The following WAPL variants were observed in gnomAD, a reference collection of about 807,000 sequenced individuals.
The protein encoded by WAPL is WAPL cohesin release factor.
WAPL carries 5 observed loss-of-function variants against 121.0 expected under a neutral mutation model. That is an observed-to-expected ratio of 0.04 (90% CI 0.02 to 0.09). The LOEUF is 0.09. Among genes scored for constraint, WAPL ranks in the 10% least tolerant of loss-of-function variants. The probability of loss-of-function intolerance (pLI) is 1.00; values close to 1 mark genes in which losing one functional copy is unlikely to be tolerated. For missense variants in WAPL, 999 were observed against 1,410.8 expected, an observed-to-expected ratio of 0.71 and a Z score of 4.68; for synonymous variants, 480 against 481.5, an observed-to-expected ratio of 1.00 and a Z score of 0.04.
intron 9 of WAPL, among the ~76,000 whole-genome samples, chr10:86,464,137 G>A (rs1293689412): frequency 3.3e-5 from 5 of 152,130 alleles, no homozygotes; most frequent in East Asian, 1.9e-4. Context: ...TAACAAAAAC[G>A]TGTAAAGGAT....
intron 12 of WAPL, among the ~76,000 whole-genome samples, chr10:86,456,048 A>G (rs1841138164): frequency 6.6e-6 from 1 of 152,210 alleles, no homozygotes; most frequent in African/African-American, 2.4e-5. Flanking sequence ...GCAACTTGAG[A>G]GAGGAATCAA....
At chr10:86,444,892 CA>C (rs35307250) in intron 16 of WAPL, among the ~76,000 whole-genome samples, 255 of 68,196 alleles carry the variant, frequency 3.7e-3, no homozygotes, top group Middle Eastern at 0.015. Context: ...GTTATTACGC[CA>C]AAAAAAAAAA....
intron 1 of WAPL, among the ~76,000 whole-genome samples, chr10:86,519,790 A>G (rs1253779577): frequency 3.3e-5 from 5 of 152,250 alleles, no homozygotes; most frequent in African/African-American, 7.2e-5. Context: ...ACACACCAAC[A>G]AAGATGGAAT....
chr10:86,451,313 G>GA (rs907912443), intron 15 of WAPL, among the ~76,000 whole-genome samples: 7 of 150,700 alleles, frequency 4.6e-5, no homozygotes, highest in Non-Finnish European at 7.4e-5. Context: ...TATAACAGTC[G>GA]AAAAAAAATC....
chr10:86,467,310 T>G lies in WAPL; in HGVS notation c.2339A>C (p.His780Pro). The change falls in exon 9 of 19, where the codon CAC becomes CCC. Residue 780 changes from histidine to proline, a missense_variant. Physicochemically the swap from His to Pro is moderately conservative, Grantham distance 77. This residue lies in a region of WAPL where 118 missense variants were observed against 318.3 expected (regional missense o/e 0.37). Coordinates refer to ENST00000298767, the MANE Select transcript of WAPL (RefSeq NM_015045.5). ...EKIRRLCETV[H>P]NKHLDLENIT... ...ATTTTCTAGATCAAGATGCTTGTTGTGTACAGTTTCACAGAGCCTTCGGAT... is the reference window on the plus strand; with the variant it reads ...ATTTTCTAGATCAAGATGCTTGTTGGGTACAGTTTCACAGAGCCTTCGGAT... 6.2e-7 allele frequency: 1 copy of G among 1,614,108 alleles called. No individual in the cohort carries two copies. Among genetic ancestry groups the G allele is most frequent in the Non-Finnish European group, 8.5e-7 (1 of 1,180,014 alleles).
chr10:86,504,105 C>T (rs1050115479), intron 2 of WAPL, among the ~76,000 whole-genome samples: 1 of 152,064 alleles, frequency 6.6e-6, no homozygotes, highest in Non-Finnish European at 1.5e-5. Flanking sequence ...ACCCAGGAGG[C>T]AGAGGTTGTA....
chr10:86,464,533 C>T (rs1328378302), intron 9 of WAPL, among the ~76,000 whole-genome samples: 17 of 152,060 alleles, frequency 1.1e-4, no homozygotes, highest in Admixed American at 1.0e-3. Flanking sequence ...TGCAAAAATA[C>T]AGAAGTAAAT....
intron 1 of WAPL, among the ~76,000 whole-genome samples, chr10:86,519,671 A>C (rs1246256713): frequency 6.6e-6 from 1 of 152,244 alleles, no homozygotes; most frequent in Non-Finnish European, 1.5e-5. Context: ...CAGCCTAAAC[A>C]AAACAGGATA....
At chr10:86,443,448 C>G in intron 16 of WAPL, 85 bp from the exon 17 acceptor site, 1 of 1,169,338 alleles carries the variant, frequency 8.6e-7, no homozygotes, top group Non-Finnish European at 1.3e-6. Context: ...GTTATCTTTA[C>G]TTTAAAACTG....
intron 8 of WAPL, among the ~76,000 whole-genome samples, chr10:86,467,886 G>C (rs770732366): frequency 6.6e-6 from 1 of 151,576 alleles, no homozygotes; most frequent in African/African-American, 2.4e-5. Context: ...CACGGTGTTA[G>C]CCAGGATGGT....
intron 4 of WAPL, among the ~76,000 whole-genome samples, chr10:86,490,346 C>T (rs903882274): frequency 3.9e-5 from 6 of 152,030 alleles, no homozygotes; most frequent in African/African-American, 9.7e-5. Flanking sequence ...ACTTTGCATC[C>T]ATCAACAGTA....
Position 86,507,854 on chromosome 10 carries a change from C to T in WAPL, c.500-7111G>A, listed in dbSNP as rs139539412. ...CTTTCTCCTATTCATTAGCCCTGTC[C>T]GGGCACTCAGCATTTTAAATTCCAC... On this transcript the variant is annotated intron_variant, in intron 2 of 18. Transcript: ENST00000298767. Among the ~76,000 whole-genome samples, 313 of 152,080 alleles carry T rather than the reference C, an allele frequency of 2.1e-3. 8 individuals carry two copies. The highest frequency in any genetic ancestry group is 0.019 in the Admixed American group (292 of 15,266).
rs563621011 is a variant in WAPL at position 86,517,211 on chromosome 10, C to G, written c.499+360G>C. Among the ~76,000 whole-genome samples the G allele has an allele frequency of 1.1e-4, 17 of 152,236 alleles. No individual in the cohort carries two copies. The East Asian group carries it at 2.9e-3, about 26-fold the overall frequency. ...TGGTAACTAATCCTCATTTTAAATA[C>G]TCATCTCATTTTCATTATCAATAAC... On this transcript the variant is annotated intron_variant, in intron 2 of 18. Coordinates refer to ENST00000298767, the MANE Select transcript of WAPL (RefSeq NM_015045.5).
intron 4 of WAPL, among the ~76,000 whole-genome samples, chr10:86,488,854 G>A (rs1204627274): frequency 6.6e-6 from 1 of 152,112 alleles, no homozygotes; most frequent in Admixed American, 6.5e-5. Flanking sequence ...ATCACATTTG[G>A]CAACCAATGT....
chr10:86,514,210 G>T (rs915916727), intron 2 of WAPL, among the ~76,000 whole-genome samples: 1 of 152,230 alleles, frequency 6.6e-6, no homozygotes, highest in Non-Finnish European at 1.5e-5. Context: ...CCAGTTTAGA[G>T]GGGAGAGACA....
At chr10:86,498,632 T>C (rs1171974797) in intron 3 of WAPL, among the ~76,000 whole-genome samples, 2 of 152,200 alleles carry the variant, frequency 1.3e-5, no homozygotes, top group Non-Finnish European at 2.9e-5. Context: ...TTATTTAATA[T>C]GTAAACCAAT....
intron 4 of WAPL, among the ~76,000 whole-genome samples, chr10:86,486,430 A>G (rs1369693656): frequency 1.3e-5 from 2 of 152,252 alleles, no homozygotes; most frequent in East Asian, 3.8e-4. Context: ...ATCAAAGTAT[A>G]AAGCTATATT....
chr10:86,479,688 C>T (rs928169838), intron 4 of WAPL, among the ~76,000 whole-genome samples: 2 of 152,176 alleles, frequency 1.3e-5, no homozygotes, highest in African/African-American at 4.8e-5. Flanking sequence ...TTTATCCACC[C>T]AAGGATATCA....
At chr10:86,513,623 T>C (rs1334531822) in intron 2 of WAPL, among the ~76,000 whole-genome samples, 1 of 152,190 alleles carries the variant, frequency 6.6e-6, no homozygotes, top group African/African-American at 2.4e-5. Context: ...AACAAAATTT[T>C]TAAAAGTACT....
Sources: allele counts gnomAD v4.1 joint callset (sites outside exome capture counted in the v4.1 genomes callset), GRCh38; gene constraint gnomAD v4.1.1; regional missense constraint gnomAD v4.1.1; transcripts MANE v1.5; gene names NCBI Gene and HGNC (gene_info 2026-07-23, HGNC 2026-07-21).